CRPPA: variants seen among roughly 807,000 people sequenced by gnomAD.
The protein encoded by CRPPA is D-ribitol-5-phosphate cytidylyltransferase.
CRPPA carries 43 observed loss-of-function variants against 52.0 expected under a neutral mutation model. The observed-to-expected ratio is 0.83, with a 90% CI of 0.65 to 1.07. The LOEUF is 1.07. Ranked by LOEUF, CRPPA falls within the 50% of genes least tolerant of loss-of-function variation. The pLI, the probability that CRPPA is intolerant of heterozygous loss-of-function variation, is 0.00. For synonymous variants in CRPPA, 250 were observed against 203.5 expected, an observed-to-expected ratio of 1.23 and a Z score of -1.94; for missense variants, 629 against 551.7, an observed-to-expected ratio of 1.14 and a Z score of -1.40.
intron 6 of CRPPA, among the ~76,000 whole-genome samples, chr7:16,275,408 G>A (rs1276476121): frequency 6.6e-6 from 1 of 152,158 alleles, no homozygotes; most frequent in Non-Finnish European, 1.5e-5. Flanking sequence ...AGCCTGAGAA[G>A]TCTAGATGGA....
At chr7:16,320,463 C>T (rs1785237890) in intron 3 of CRPPA, among the ~76,000 whole-genome samples, 2 of 151,966 alleles carry the variant, frequency 1.3e-5, no homozygotes, top group South Asian at 4.1e-4. Flanking sequence ...AGTTAGAAAC[C>T]GTTGTTTTAT....
At chr7:16,413,870 A>C (rs1788127059) in intron 1 of CRPPA, among the ~76,000 whole-genome samples, 1 of 152,214 alleles carries the variant, frequency 6.6e-6, no homozygotes, top group African/African-American at 2.4e-5. Flanking sequence ...ATACAGATCT[A>C]CAAAAGTGAT....
chr7:16,367,855 TA>T (rs1478447075), intron 3 of CRPPA, among the ~76,000 whole-genome samples: 1 of 152,202 alleles, frequency 6.6e-6, no homozygotes, highest in Non-Finnish European at 1.5e-5. Flanking sequence ...ATCTCCATTA[TA>T]AGATTAACAC....
At chr7:16,095,628 G>C (rs1423831398) in intron 9 of CRPPA, among the ~76,000 whole-genome samples, 2 of 152,264 alleles carry the variant, frequency 1.3e-5, no homozygotes, top group East Asian at 3.9e-4. Flanking sequence ...ATCCTTGAAA[G>C]AAGAGCCTCC....
intron 9 of CRPPA, among the ~76,000 whole-genome samples, chr7:16,100,140 T>C (rs1782013004): frequency 6.6e-6 from 1 of 152,224 alleles, no homozygotes; most frequent in Admixed American, 6.5e-5. Context: ...CTTTTACTGT[T>C]CAGAATCCAC....
At chr7:16,187,455 A>T (rs1781528342) in intron 9 of CRPPA, among the ~76,000 whole-genome samples, 1 of 152,212 alleles carries the variant, frequency 6.6e-6, no homozygotes, top group South Asian at 2.1e-4. Context: ...TAACAGAGAA[A>T]ACAAAGGAAC....
chr7:16,253,990 CTCA>C, intron 8 of CRPPA, among the ~76,000 whole-genome samples: 1 of 152,142 alleles, frequency 6.6e-6, no homozygotes, highest in East Asian at 1.9e-4. Flanking sequence ...TGAAAAAATG[CTCA>C]TCATCACCGG....
At chr7:16,155,396 T>A (rs1264980829) in intron 9 of CRPPA, among the ~76,000 whole-genome samples, 2 of 152,172 alleles carry the variant, frequency 1.3e-5, no homozygotes, top group Non-Finnish European at 2.9e-5. Flanking sequence ...ATGGACAACA[T>A]AAGTCTATGC....
intron 5 of CRPPA, among the ~76,000 whole-genome samples, chr7:16,278,786 T>C (rs552454195): frequency 3.9e-5 from 6 of 152,326 alleles, no homozygotes; most frequent in East Asian, 3.9e-4. Flanking sequence ...TCTGGAAGAC[T>C]TGAGATGGTC....
At chr7:16,156,258 A>G (rs1200179160) in intron 9 of CRPPA, among the ~76,000 whole-genome samples, 1 of 152,204 alleles carries the variant, frequency 6.6e-6, no homozygotes, top group East Asian at 1.9e-4. Context: ...TTTAGCTAAT[A>G]ACTGTCACTG....
intron 9 of CRPPA, among the ~76,000 whole-genome samples, chr7:16,105,617 A>G (rs1782135705): frequency 6.6e-6 from 1 of 152,176 alleles, no homozygotes. Context: ...TGTTCCTACC[A>G]CTGATGGTAT....
intron 9 of CRPPA, among the ~76,000 whole-genome samples, chr7:16,159,175 G>A (rs1324825494): frequency 2.0e-5 from 3 of 152,122 alleles, no homozygotes; most frequent in Non-Finnish European, 4.4e-5. Context: ...CCAGCACTTT[G>A]GGAGGCTGAG....
rs7458656 is a variant in CRPPA, at chr7:16,267,467, G to T, written c.934-8455C>A. 6.3e-3 allele frequency among the ~76,000 whole-genome samples: 966 copies of T among 152,198 alleles called. 6 individuals carry two copies. The highest frequency in any genetic ancestry group is 0.029 in the South Asian group (142 of 4,816). The stretch of plus-strand genomic sequence containing the variant: ...GGATCACACTTTGAGCCAGCAAAAG[G>T]TTCTATCATTTGAATCCACATTAAT... On this transcript the variant is annotated intron_variant, in intron 6 of 9. Transcript: ENST00000407010.
intron 2 of CRPPA, among the ~76,000 whole-genome samples, chr7:16,399,800 G>T (rs1173206823): frequency 6.6e-6 from 1 of 152,226 alleles, no homozygotes; most frequent in Non-Finnish European, 1.5e-5. Context: ...TGACCAACAC[G>T]TGACTGACAC....
chr7:16,164,985 C>T (rs144657633), intron 9 of CRPPA, among the ~76,000 whole-genome samples: 1 of 152,054 alleles, frequency 6.6e-6, no homozygotes, highest in African/African-American at 2.4e-5. Flanking sequence ...CGTCAGGGAC[C>T]CACTTGAGGA....
chr7:16,198,878 G>A (rs1450321017), intron 9 of CRPPA, among the ~76,000 whole-genome samples: 1 of 152,010 alleles, frequency 6.6e-6, no homozygotes, highest in Non-Finnish European at 1.5e-5. Flanking sequence ...ATATAAAGTA[G>A]TAAGAACTGT....
intron 3 of CRPPA, among the ~76,000 whole-genome samples, chr7:16,320,831 C>T (rs1343919656): frequency 6.6e-6 from 1 of 152,044 alleles, no homozygotes; most frequent in Non-Finnish European, 1.5e-5. Flanking sequence ...GACAGTTATC[C>T]AAGCAGCTTT....
At chr7:16,116,707 A>AAGG (rs1234630811) in intron 9 of CRPPA, among the ~76,000 whole-genome samples, 3 of 72,722 alleles carry the variant, frequency 4.1e-5, no homozygotes, top group Non-Finnish European at 1.0e-4. Context: ...GGGAAGGGAG[A>AAGG]GAGAGAGAGA....
At chr7:16,158,837 T>C (rs906271512) in intron 9 of CRPPA, among the ~76,000 whole-genome samples, 2 of 152,208 alleles carry the variant, frequency 1.3e-5, no homozygotes, top group Admixed American at 1.3e-4. Context: ...CTGGGGATTG[T>C]ACTTCCCAGT....
Sources: allele counts gnomAD v4.1 joint callset (sites outside exome capture counted in the v4.1 genomes callset), GRCh38; gene constraint gnomAD v4.1.1; transcripts MANE v1.5; gene names NCBI Gene and HGNC (gene_info 2026-07-23, HGNC 2026-07-21).